GPHN: variants seen among roughly 807,000 people sequenced by gnomAD.
GPHN encodes gephyrin.
In GPHN, 17 loss-of-function variants were observed where a neutral mutation model predicts 95.5. The ratio of observed to expected loss-of-function variants is 0.18; its 90% CI spans 0.12 to 0.27. The LOEUF (loss-of-function observed/expected upper bound fraction) is 0.27, where lower values mean the gene tolerates loss of function less well. GPHN is among the 10% of genes least tolerant of loss of function. GPHN has a pLI of 1.00. For synonymous variants in GPHN, 320 were observed against 322.5 expected, an observed-to-expected ratio of 0.99 and a Z score of 0.08; for missense variants, 660 against 978.1, an observed-to-expected ratio of 0.67 and a Z score of 4.34.
chr14:67,120,526 G>GT (rs1403269910), intron 16 of GPHN, among the ~76,000 whole-genome samples: 1 of 151,852 alleles, frequency 6.6e-6, no homozygotes, highest in Admixed American at 6.6e-5. Flanking sequence ...TTCTGGAACT[G>GT]TTTGCAGCAA....
intron 5 of GPHN, among the ~76,000 whole-genome samples, chr14:66,898,254 T>G (rs186944491): frequency 6.6e-6 from 1 of 152,076 alleles, no homozygotes; most frequent in East Asian, 1.9e-4. Flanking sequence ...TGTGTTTTTT[T>G]GATGTAAAGT....
At chr14:67,414,099 G>C in the GPHN span, among the ~76,000 whole-genome samples, 13 of 152,318 alleles carry the variant, frequency 8.5e-5, no homozygotes, top group Non-Finnish European at 1.8e-4. Flanking sequence ...CTTCCTCAAA[G>C]AGGCTGTCTT....
intron 2 of GPHN, among the ~76,000 whole-genome samples, chr14:66,773,587 C>T (rs908682196): frequency 1.3e-5 from 2 of 152,036 alleles, no homozygotes; most frequent in African/African-American, 2.4e-5. Flanking sequence ...CTCCTGACCT[C>T]GTGATCCTCC....
chr14:67,180,258 A>G (rs930203128), intron 22 of GPHN, among the ~76,000 whole-genome samples: 1 of 152,228 alleles, frequency 6.6e-6, no homozygotes, highest in Non-Finnish European at 1.5e-5. Context: ...AGATCCTACC[A>G]AGTGAAAACG....
At chr14:67,514,677 CT>C in the GPHN span, among the ~76,000 whole-genome samples, 7 of 152,146 alleles carry the variant, frequency 4.6e-5, no homozygotes, top group Non-Finnish European at 1.0e-4. Flanking sequence ...TGTCACCCCC[CT>C]CCACCCTGCT....
chr14:66,594,115 A>G (rs2061872473), intron 1 of GPHN, among the ~76,000 whole-genome samples: 1 of 152,156 alleles, frequency 6.6e-6, no homozygotes, highest in Non-Finnish European at 1.5e-5. Context: ...CCAAAGAGGT[A>G]AAAACTCTGT....
chr14:67,612,128 C>T, the GPHN span, among the ~76,000 whole-genome samples: 1 of 152,176 alleles, frequency 6.6e-6, no homozygotes, highest in Non-Finnish European at 1.5e-5. Context: ...GCTGTAAATA[C>T]AGGTGAAGCT....
At chr14:67,068,179 T>C (rs2153655323) in intron 11 of GPHN, among the ~76,000 whole-genome samples, 1 of 152,356 alleles carries the variant, frequency 6.6e-6, no homozygotes, top group East Asian at 1.9e-4. Flanking sequence ...CTGGTGTTCA[T>C]TTCACTATAG....
the GPHN span, among the ~76,000 whole-genome samples, chr14:67,595,400 G>A: frequency 2.0e-5 from 3 of 152,168 alleles, no homozygotes; most frequent in Non-Finnish European, 4.4e-5. Flanking sequence ...CGTAAGTTGG[G>A]AACCATCTGT....
At chr14:66,729,869 A>G (rs559537528) in intron 2 of GPHN, among the ~76,000 whole-genome samples, 104 of 152,356 alleles carry the variant, frequency 6.8e-4, no homozygotes, top group Non-Finnish European at 1.3e-3. Flanking sequence ...GTGTGGAACC[A>G]TGGATACTGG....
At chr14:67,145,887 C>A (rs117017645) in intron 18 of GPHN, among the ~76,000 whole-genome samples, 1,833 of 152,268 alleles carry the variant, frequency 0.012, 18 homozygotes, top group Non-Finnish European at 0.018. Context: ...AGTGCCTATG[C>A]TACAGGACTG....
intron 10 of GPHN, among the ~76,000 whole-genome samples, chr14:67,029,448 C>A (rs141776124): frequency 6.6e-6 from 1 of 152,180 alleles, no homozygotes; most frequent in African/African-American, 2.4e-5. Context: ...AGTGATTCTC[C>A]TGCCTCAGCC....
the GPHN span, among the ~76,000 whole-genome samples, chr14:67,509,507 T>TG: frequency 1.3e-5 from 2 of 152,082 alleles, no homozygotes; most frequent in East Asian, 1.9e-4. Context: ...TTAGTAGAGA[T>TG]GGGGTTTCAC....
At chr14:67,729,291 C>T in the GPHN span, 13 of 1,604,320 alleles carry the variant, frequency 8.1e-6, no homozygotes, top group South Asian at 1.1e-4. Context: ...TCTTCTCCCC[C>T]TTTGTCAAGA....
At chr14:66,529,845 A>G (rs141523944) in intron 1 of GPHN, among the ~76,000 whole-genome samples, 1 of 152,080 alleles carries the variant, frequency 6.6e-6, no homozygotes, top group East Asian at 1.9e-4. Flanking sequence ...TGGAAGCTTC[A>G]TCCCAGAGGG....
At chr14:67,033,236 A>C (rs998558446) in intron 10 of GPHN, among the ~76,000 whole-genome samples, 1 of 152,140 alleles carries the variant, frequency 6.6e-6, no homozygotes, top group African/African-American at 2.4e-5. Context: ...TAGAGGAGCA[A>C]AAAGAAAAAA....
Position 67,131,786 on chromosome 14 carries a change from C to G in GPHN, c.1748+9409C>G, listed in dbSNP as rs1355373611. On this transcript the variant is annotated intron_variant, in intron 17 of 22. Coordinates refer to ENST00000478722, the MANE Select transcript of GPHN (RefSeq NM_020806.5). ...GCGGTAATCATTATCCAAATAGAATCCACTTGGGGAAATTTTTTTAAATAA... is the reference window on the plus strand; with the variant it reads ...GCGGTAATCATTATCCAAATAGAATGCACTTGGGGAAATTTTTTTAAATAA... Among the ~76,000 whole-genome samples, 4 of 152,208 alleles carry G rather than the reference C, an allele frequency of 2.6e-5. No individual in the cohort carries two copies. The South Asian group carries it at 8.3e-4, about 32-fold the overall frequency.
At chr14:67,514,290 TC>T in the GPHN span, among the ~76,000 whole-genome samples, 1 of 151,948 alleles carries the variant, frequency 6.6e-6, no homozygotes, top group East Asian at 1.9e-4. Flanking sequence ...GGGAAAGGGG[TC>T]CGTTTCTGAC....
intron 5 of GPHN, among the ~76,000 whole-genome samples, chr14:66,890,781 T>C (rs1010964498): frequency 5.4e-5 from 8 of 147,408 alleles, no homozygotes; most frequent in African/African-American, 1.6e-4. Flanking sequence ...CATTGTAATA[T>C]ACCACAGTAG....
Sources: allele counts gnomAD v4.1 joint callset (sites outside exome capture counted in the v4.1 genomes callset), GRCh38; gene constraint gnomAD v4.1.1; transcripts MANE v1.5; gene names NCBI Gene and HGNC (gene_info 2026-07-23, HGNC 2026-07-21).